Variants in HDAC8 observed in about 807,000 individuals in gnomAD.
The protein encoded by HDAC8 is histone deacetylase 8, also known as histone deacetylase-like 1.
A neutral mutation model predicts 32.2 loss-of-function variants in HDAC8; 1 was observed. That is an observed-to-expected ratio of 0.03 (90% confidence interval 0.01 to 0.15). HDAC8 has a LOEUF of 0.15. Ranked by LOEUF, HDAC8 falls within the 10% of genes least tolerant of loss-of-function variation. The pLI, the probability that HDAC8 is intolerant of heterozygous loss-of-function variation, is 1.00. For synonymous variants in HDAC8, 108 were observed against 113.9 expected, an observed-to-expected ratio of 0.95 and a Z score of 0.33; for missense variants, 117 against 300.0, an observed-to-expected ratio of 0.39 and a Z score of 4.51.
At chrX:72,368,251 C>T (rs1051406762) in intron 9 of HDAC8, among the ~76,000 whole-genome samples, 1 of 111,755 alleles carries the variant, frequency 8.9e-6, no homozygotes, top group Non-Finnish European at 1.9e-5. Flanking sequence ...CAGCCTAGAC[C>T]ATTCCTACTC....
intron 4 of HDAC8, among the ~76,000 whole-genome samples, chrX:72,562,507 T>A (rs1782963763): frequency 9.0e-6 from 1 of 110,639 alleles, no homozygotes; most frequent in African/African-American, 3.3e-5. Context: ...GAACAACACA[T>A]TAGACTTTGG....
At chrX:72,411,139 C>T (rs782382304) in intron 9 of HDAC8, among the ~76,000 whole-genome samples, 3 of 109,093 alleles carry the variant, frequency 2.7e-5, no homozygotes, top group Non-Finnish European at 5.7e-5. Flanking sequence ...AATTCTCCTG[C>T]CTCAGCCTCC....
chrX:72,347,708 C>T (rs1000726509), intron 10 of HDAC8, among the ~76,000 whole-genome samples: 4 of 112,116 alleles, frequency 3.6e-5, no homozygotes, highest in Non-Finnish European at 5.6e-5. Flanking sequence ...GAAGGTTCAC[C>T]GTGAGCCAGT....
At chrX:72,442,135 C>G (rs782616696) in intron 9 of HDAC8, among the ~76,000 whole-genome samples, 1 of 111,164 alleles carries the variant, frequency 9.0e-6, no homozygotes, top group Non-Finnish European at 1.9e-5. Flanking sequence ...AGGAGAACTT[C>G]CCCAATCTAG....
intron 10 of HDAC8, among the ~76,000 whole-genome samples, chrX:72,346,475 G>A (rs1265456438): frequency 1.8e-5 from 2 of 112,295 alleles, no homozygotes; most frequent in Non-Finnish European, 3.8e-5. Flanking sequence ...TTGAATATGC[G>A]CAAACCTGAG....
intron 9 of HDAC8, among the ~76,000 whole-genome samples, chrX:72,388,595 T>C (rs1602659065): frequency 1.1e-5 from 1 of 88,384 alleles, no homozygotes; most frequent in African/African-American, 4.4e-5. Flanking sequence ...CCACAGTGAT[T>C]ACACACACAC....
At chrX:72,337,835 C>T (rs1555943164) in intron 10 of HDAC8, among the ~76,000 whole-genome samples, 3 of 112,334 alleles carry the variant, frequency 2.7e-5, no homozygotes, top group Non-Finnish European at 5.6e-5. Context: ...ACCCTCCTTG[C>T]TCACTTGAGT....
At chrX:72,381,927 G>A (rs1447934468) in intron 9 of HDAC8, among the ~76,000 whole-genome samples, 2 of 112,354 alleles carry the variant, frequency 1.8e-5, no homozygotes, top group Admixed American at 1.9e-4. Context: ...AATAAATCTT[G>A]GAAGTTGACA....
At chrX:72,425,755 TC>T (rs781898236) in intron 9 of HDAC8, among the ~76,000 whole-genome samples, 47 of 110,970 alleles carry the variant, frequency 4.2e-4, no homozygotes, top group African/African-American at 1.4e-3. Flanking sequence ...CTGCTTCATT[TC>T]CCCCCCATCC....
chrX:72,455,380 T>C (rs2148023665), intron 9 of HDAC8, among the ~76,000 whole-genome samples: 1 of 112,045 alleles, frequency 8.9e-6, no homozygotes. Flanking sequence ...TTTAATATTC[T>C]GTGTGATGAA....
In HDAC8 at chrX:72,572,125, T is replaced by TAA. The variant is rs3830710; in HGVS notation, c.112-18_112-17dup. 152 of 988,017 alleles carry TAA rather than the reference T, an allele frequency of 1.5e-4. No individual in the cohort carries two copies. The highest frequency in any genetic ancestry group is 1.4e-3 in the African/African-American group (64 of 47,205). The allele number at this position is 988,017 out of a possible 1,213,427, so 81.4% of individuals were successfully genotyped here. The stretch of plus-strand genomic sequence containing the variant: ...CCATACTGGCCTAAAAACATCAGCG[T>TAA]AAAAAAAAAAAAAGAAAAGCAGAAA... On this transcript the variant is annotated splice_polypyrimidine_tract_variant and intron_variant, in intron 1 of 10. Coordinates refer to ENST00000373573, the MANE Select transcript of HDAC8 (RefSeq NM_018486.3).
intron 3 of HDAC8, 89 bp downstream of exon 3, chrX:72,568,665 T>A: frequency 9.4e-7 from 1 of 1,063,705 alleles, no homozygotes; most frequent in East Asian, 3.1e-5. Flanking sequence ...TAACACATGA[T>A]TTCTTAACGA....
In HDAC8 at chrX:72,495,339, T is replaced by C. The variant is rs781977954; in HGVS notation, c.438-71A>G. Reference sequence around the variant, plus strand: ...AAGGGAGTCTTTACAGCCAAGGATCTAACCCTTGAGATCTAGTCCCCTAAA... The same window carrying C: ...AAGGGAGTCTTTACAGCCAAGGATCCAACCCTTGAGATCTAGTCCCCTAAA... On this transcript the variant is annotated intron_variant, in intron 4 of 10. Coordinates refer to ENST00000373573, the MANE Select transcript of HDAC8 (RefSeq NM_018486.3). The C allele has an allele frequency of 3.6e-4, 231 of 648,397 alleles. No homozygotes were observed. In the African/African-American group the frequency reaches 4.3e-3, roughly 12 times the overall value. The allele number at this position is 648,397 out of a possible 1,213,427, so 53.4% of individuals were successfully genotyped here.
chrX:72,392,437 G>A (rs905905091), intron 9 of HDAC8, among the ~76,000 whole-genome samples: 2 of 111,653 alleles, frequency 1.8e-5, no homozygotes, highest in East Asian at 5.7e-4. Context: ...GATCATTCAT[G>A]CCCCTCTCCT....
intron 4 of HDAC8, among the ~76,000 whole-genome samples, chrX:72,519,311 A>G (rs1237274391): frequency 8.9e-6 from 1 of 112,042 alleles, no homozygotes; most frequent in Non-Finnish European, 1.9e-5. Flanking sequence ...TTCACTGGGT[A>G]GATACCTAGG....
At chrX:72,451,975 G>A (rs908000409) in intron 9 of HDAC8, among the ~76,000 whole-genome samples, 1 of 112,136 alleles carries the variant, frequency 8.9e-6, no homozygotes, top group Non-Finnish European at 1.9e-5. Flanking sequence ...GGATATTGGA[G>A]TTCAGAGAGG....
At chrX:72,433,870 T>C (rs2046882807) in intron 9 of HDAC8, among the ~76,000 whole-genome samples, 1 of 112,107 alleles carries the variant, frequency 8.9e-6, no homozygotes, top group South Asian at 3.7e-4. Context: ...ACCAGTTTCA[T>C]TGGGTTGTTA....
intron 9 of HDAC8, among the ~76,000 whole-genome samples, chrX:72,450,300 G>T (rs1304356219): frequency 8.9e-6 from 1 of 112,149 alleles, no homozygotes; most frequent in African/African-American, 3.2e-5. Context: ...GCACAAGGAA[G>T]GTCTCTGTGA....
intron 7 of HDAC8, among the ~76,000 whole-genome samples, chrX:72,483,894 C>A (rs2048588717): frequency 8.9e-6 from 1 of 112,098 alleles, no homozygotes; most frequent in Non-Finnish European, 1.9e-5. Context: ...GGAATAAAAA[C>A]TTAGGCTTTA....
Sources: gnomAD v4.1 joint callset for allele counts (sites outside exome capture counted in the v4.1 genomes callset) on GRCh38, gnomAD v4.1.1 for gene constraint, MANE v1.5 for transcripts, NCBI Gene and HGNC (gene_info 2026-07-23, HGNC 2026-07-21) for gene names.